Variants in TNS1 observed in about 807,000 individuals in gnomAD.
The protein encoded by TNS1 is tensin-1.
A neutral mutation model predicts 168.6 loss-of-function variants in TNS1; 62 were observed. The ratio of observed to expected loss-of-function variants is 0.37; its 90% CI spans 0.30 to 0.45. The LOEUF is 0.45. TNS1 is among the 20% of genes least tolerant of loss of function. The pLI is 1.00. For synonymous variants in TNS1, 934 were observed against 933.2 expected (o/e 1.00, Z -0.02); for missense variants, 2,240 against 2,339.4 (o/e 0.96, Z 0.88).
intron 32 of TNS1, 43 bp from the exon 33 acceptor site, chr2:217,804,646 G>A (rs1182548271): frequency 6.2e-7 from 1 of 1,610,328 alleles, no homozygotes; most frequent in Non-Finnish European, 8.5e-7. Flanking sequence ...AAGGGCAAGT[G>A]GAACCCCAGG....
intron 4 of TNS1, among the ~76,000 whole-genome samples, chr2:217,910,577 GC>G (rs1234809487): frequency 6.6e-6 from 1 of 152,050 alleles, no homozygotes; most frequent in Non-Finnish European, 1.5e-5. Flanking sequence ...GGAGGCCGGG[GC>G]CAGTGGGAAG....
chr2:217,810,307 T>C lies in TNS1; in HGVS notation c.5045A>G (p.Glu1682Gly). The C allele has an allele frequency of 6.2e-7, 1 of 1,614,224 alleles. No individual in the cohort carries two copies. Among genetic ancestry groups the C allele is most frequent in the Non-Finnish European group, 8.5e-7 (1 of 1,180,036 alleles). ...GGCAGGGCCGGAGCTATCTTTCGAT[T>C]CATCTGTGGGGTCTAAGACAAAAAT... ...LVIPNRDPTD[E>G]SKDSSGPANS... Residue 1682 changes from glutamate to glycine, a missense_variant, in exon 29 of 33, where the codon GAA becomes GGA. Glu to Gly is a moderately conservative substitution (Grantham distance 98). Around this residue, in one of 2 missense-constraint regions of TNS1, gnomAD observed 2,131 missense variants for 2,171.2 expected, o/e 0.98. Transcript: ENST00000682258.
At chr2:217,809,525 G>GATGGATGGA (rs1940319023) in intron 30 of TNS1, among the ~76,000 whole-genome samples, 5 of 16,302 alleles carry the variant, frequency 3.1e-4, no homozygotes, top group South Asian at 1.5e-3. Context: ...GGATGGATAG[G>GATGGATGGA]TGCATGGATG....
chr2:217,818,044 A>G lies in TNS1; in HGVS notation c.4288T>C (p.Tyr1430His), dbSNP rs1291354252. The G allele has an allele frequency of 1.2e-6, 2 of 1,605,928 alleles. No homozygotes were observed. Among genetic ancestry groups the G allele is most frequent in the African/African-American group, 1.3e-5 (1 of 74,992 alleles). The change falls in exon 24 of 33, where the codon TAT (tyrosine) becomes CAT (histidine). Residue 1430 changes from tyrosine to histidine, a missense_variant. Transcript: ENST00000682258. ...CLDRHVAYGG[Y>H]STPEDRRPTL... Reference sequence around the variant, plus strand: ...GGTCTCCGATCCTCCGGGGTAGAATAGCCACCATAGGCCACATGCCGGTCC... The same window carrying G: ...GGTCTCCGATCCTCCGGGGTAGAATGGCCACCATAGGCCACATGCCGGTCC...
chr2:217,970,216 G>T (rs1041154409), intron 3 of TNS1, among the ~76,000 whole-genome samples: 3 of 152,162 alleles, frequency 2.0e-5, no homozygotes, highest in African/African-American at 7.2e-5. Flanking sequence ...CTTGATTTTT[G>T]ACTTCTAGCC....
At position 217,849,179 on chromosome 2, in the gene TNS1, G is replaced by A. The variant is rs914295942; in HGVS notation, c.1430-92C>T. The A allele has an allele frequency of 2.5e-5, 37 of 1,461,230 alleles. No homozygotes were observed. In the South Asian group the frequency reaches 4.2e-4, roughly 17 times the overall value. The allele number at this position is 1,461,230 out of a possible 1,614,324, so 90.5% of individuals were successfully genotyped here. Reference sequence around the variant, plus strand: ...CCACTCTGCCAGAGAAAGAAGCTAAGAGCTCCCATGCCCTGCATCCTAAAA... The same window carrying A: ...CCACTCTGCCAGAGAAAGAAGCTAAAAGCTCCCATGCCCTGCATCCTAAAA... On this transcript the variant is annotated intron_variant, in intron 18 of 32. Transcript: ENST00000682258.
chr2:217,862,751 C>T (rs1948900047), intron 18 of TNS1, among the ~76,000 whole-genome samples: 1 of 152,104 alleles, frequency 6.6e-6, no homozygotes, highest in Non-Finnish European at 1.5e-5. Context: ...AGAGGGAGTC[C>T]TCCCCACTGC....
At chr2:217,886,012 T>C in intron 14 of TNS1, 32 bp downstream of exon 14, 1 of 1,612,940 alleles carries the variant, frequency 6.2e-7, no homozygotes. Context: ...GCCTTGGGCT[T>C]CTCTGGCCTC....
chr2:217,836,280 C>A, intron 19 of TNS1, 69 bp from the exon 20 acceptor site: 1 of 1,469,454 alleles, frequency 6.8e-7, no homozygotes, highest in South Asian at 1.3e-5. Flanking sequence ...CGGCCTAATC[C>A]CATCAGAGAA....
chr2:217,872,547 T>C (rs111658238), intron 18 of TNS1, among the ~76,000 whole-genome samples: 10,670 of 152,128 alleles, frequency 0.07, 1,238 homozygotes, highest in African/African-American at 0.24. Flanking sequence ...ATCCAAAAGA[T>C]AGAAAATAAA....
intron 29 of TNS1, 70 bp downstream of exon 29, chr2:217,810,178 C>G (rs759754935): frequency 3.1e-5 from 49 of 1,562,514 alleles, no homozygotes; most frequent in Non-Finnish European, 4.2e-5. Flanking sequence ...CCTGCACGTG[C>G]AGGAGGGGTC....
intron 3 of TNS1, among the ~76,000 whole-genome samples, chr2:217,964,446 C>A (rs1957573493): frequency 6.6e-6 from 1 of 152,212 alleles, no homozygotes; most frequent in Non-Finnish European, 1.5e-5. Context: ...GGGCTCAAGT[C>A]CCCGGTCCTG....
intron 3 of TNS1, among the ~76,000 whole-genome samples, chr2:217,967,873 T>C (rs1025528311): frequency 6.6e-6 from 1 of 152,168 alleles, no homozygotes; most frequent in African/African-American, 2.4e-5. Context: ...CAATATCTCT[T>C]TCGAATATAG....
chr2:217,812,357 C>T lies in TNS1; in HGVS notation c.5032+11G>A. On this transcript the variant is annotated intron_variant, in intron 28 of 32. Transcript: ENST00000682258. ...GGTGTGGGTGGTGAGCCAGGAGTCT[C>T]ACGTTCCTACCTCGGTTTGGAATGA... 1 of 1,612,890 alleles carries T rather than the reference C, an allele frequency of 6.2e-7. No homozygotes were observed. The highest frequency in any genetic ancestry group is 2.2e-5 in the East Asian group (1 of 44,864).
intron 3 of TNS1, among the ~76,000 whole-genome samples, chr2:217,971,507 A>G (rs1364946944): frequency 1.3e-5 from 2 of 152,210 alleles, no homozygotes; most frequent in Non-Finnish European, 2.9e-5. Flanking sequence ...GTTTGGGGCT[A>G]TTGGAAATAA....
intron 2 of TNS1, among the ~76,000 whole-genome samples, chr2:217,988,440 C>T (rs2126077626): frequency 6.6e-6 from 1 of 152,310 alleles, no homozygotes; most frequent in Non-Finnish European, 1.5e-5. Context: ...TGAATGTTGG[C>T]AGGACTTCCT....
chr2:217,949,500 C>A (rs895098502), intron 3 of TNS1, among the ~76,000 whole-genome samples: 1 of 152,206 alleles, frequency 6.6e-6, no homozygotes, highest in Admixed American at 6.5e-5. Context: ...GGGGAATCCC[C>A]AGATCTAGAC....
intron 3 of TNS1, among the ~76,000 whole-genome samples, chr2:217,933,460 C>T (rs182862339): frequency 6.6e-6 from 1 of 152,248 alleles, no homozygotes; most frequent in East Asian, 1.9e-4. Context: ...GTGCTTGGGC[C>T]CCACCCCAAC....
chr2:217,888,220 A>G (rs1951398864), intron 12 of TNS1, among the ~76,000 whole-genome samples: 1 of 152,220 alleles, frequency 6.6e-6, no homozygotes, highest in Admixed American at 6.5e-5. Flanking sequence ...TGTTCGAGGG[A>G]CAATGAGTCC....
Sources: allele counts gnomAD v4.1 joint callset (sites outside exome capture counted in the v4.1 genomes callset), GRCh38; gene constraint gnomAD v4.1.1; regional missense constraint gnomAD v4.1.1; transcripts MANE v1.5; gene names NCBI Gene and HGNC (gene_info 2026-07-23, HGNC 2026-07-21).